The following ERGIC1 variants were observed in gnomAD, a reference collection of about 807,000 sequenced individuals.
The protein encoded by ERGIC1 is endoplasmic reticulum-Golgi intermediate compartment protein 1.
In ERGIC1, 19 loss-of-function variants were observed where a neutral mutation model predicts 38.3. The ratio of observed to expected loss-of-function variants is 0.50; its 90% CI spans 0.35 to 0.73. ERGIC1 has a LOEUF of 0.73. ERGIC1 is among the 30% of genes least tolerant of loss of function. The pLI is 0.01. For missense variants in ERGIC1, 294 were observed against 389.2 expected (o/e 0.76, Z 2.06); for synonymous variants, 124 against 157.6 (o/e 0.79, Z 1.60).
intron 7 of ERGIC1, among the ~76,000 whole-genome samples, chr5:172,929,015 A>G (rs1398644374): frequency 6.6e-6 from 1 of 152,182 alleles, no homozygotes; most frequent in Non-Finnish European, 1.5e-5. Flanking sequence ...GGCAGAATCT[A>G]AGGAGAAACT....
intron 1 of ERGIC1, among the ~76,000 whole-genome samples, chr5:172,843,813 C>T (rs921506292): frequency 2.0e-5 from 3 of 152,228 alleles, no homozygotes; most frequent in Admixed American, 1.3e-4. Flanking sequence ...AGCTGTGGGG[C>T]CCAGGACAAG....
Position 172,950,748 on chromosome 5 carries a change from A to G in ERGIC1, c.805A>G (p.Ile269Val), listed in dbSNP as rs752946541. The change falls in exon 10 of 10, where the codon ATC becomes GTC. Residue 269 changes from isoleucine (I) to valine (V), a missense_variant. Transcript: ENST00000393784. ...TGGCGGGACCTTCACCGTCGCCGGC[A>G]TCCTGGACTCATGCATCTTCACAGC... ...IIGGTFTVAGILDSCIFTASE... is the reference protein window; with the variant it reads ...IIGGTFTVAGVLDSCIFTASE... 1.2e-6 allele frequency: 2 copies of G among 1,613,286 alleles called. No homozygotes were observed. The highest frequency in any genetic ancestry group is 1.7e-6 in the Non-Finnish European group (2 of 1,179,444).
chr5:172,943,241 G>C (rs1474607095), intron 9 of ERGIC1, among the ~76,000 whole-genome samples: 1 of 152,126 alleles, frequency 6.6e-6, no homozygotes, highest in Admixed American at 6.5e-5. Context: ...AGGTGGGGTG[G>C]ATGGGTATTT....
At chr5:172,911,512 C>G (rs555802985) in intron 4 of ERGIC1, among the ~76,000 whole-genome samples, 27 of 152,202 alleles carry the variant, frequency 1.8e-4, no homozygotes, top group African/African-American at 5.8e-4. Flanking sequence ...GAACCCCCAA[C>G]CCCCTCACCC....
intron 1 of ERGIC1, chr5:172,867,396 T>C (rs568520663): frequency 2.0e-5 from 8 of 404,412 alleles, no homozygotes; most frequent in South Asian, 1.4e-4. Flanking sequence ...GAACCTGCTG[T>C]GAACTGCTGG....
chr5:172,950,586 T>C (rs1473664707), intron 9 of ERGIC1, 123 bp from the exon 10 acceptor site: 3 of 791,062 alleles, frequency 3.8e-6, no homozygotes, highest in Non-Finnish European at 4.0e-6. Context: ...GTGGGTATTA[T>C]GGGCTTAACG....
chr5:172,903,315 CTGGGCCCTGG>C (rs1036801181), intron 3 of ERGIC1, among the ~76,000 whole-genome samples: 3 of 152,184 alleles, frequency 2.0e-5, no homozygotes, highest in African/African-American at 7.2e-5. Context: ...CTGCAGGCAC[CTGGGCCCTGG>C]TGGGAGGGGA....
chr5:172,903,030 C>T (rs1035226751), intron 3 of ERGIC1, among the ~76,000 whole-genome samples: 1 of 152,046 alleles, frequency 6.6e-6, no homozygotes, highest in Non-Finnish European at 1.5e-5. Flanking sequence ...CACTGTCCAC[C>T]CACACCCCCA....
chr5:172,877,781 T>C (rs1452843700), intron 1 of ERGIC1, among the ~76,000 whole-genome samples: 2 of 152,300 alleles, frequency 1.3e-5, no homozygotes, highest in East Asian at 1.9e-4. Context: ...GGTGCTGTGG[T>C]ACATAGCCTT....
At chr5:172,893,903 A>ATGTG (rs1279828120) in intron 2 of ERGIC1, among the ~76,000 whole-genome samples, 21 of 12,874 alleles carry the variant, frequency 1.6e-3, no homozygotes, top group African/African-American at 2.4e-3. Flanking sequence ...ATATATATAT[A>ATGTG]TATGTGTGTG....
At chr5:172,942,030 G>A (rs1353859219) in intron 9 of ERGIC1, among the ~76,000 whole-genome samples, 1 of 152,006 alleles carries the variant, frequency 6.6e-6, no homozygotes, top group Non-Finnish European at 1.5e-5. Flanking sequence ...GTGAAACCCC[G>A]TCTCTACTAA....
intron 1 of ERGIC1, among the ~76,000 whole-genome samples, chr5:172,871,728 A>C (rs1356079775): frequency 6.6e-6 from 1 of 152,232 alleles, no homozygotes; most frequent in Non-Finnish European, 1.5e-5. Context: ...CTGGAATAGC[A>C]GTGGTCTTTG....
intron 1 of ERGIC1, among the ~76,000 whole-genome samples, chr5:172,863,211 A>G (rs757887954): frequency 1.1e-4 from 17 of 152,186 alleles, no homozygotes; most frequent in African/African-American, 3.9e-4. Flanking sequence ...TCGGCCTCCC[A>G]TAGTGCTGGG....
chr5:172,932,650 C>T (rs1018275472), intron 8 of ERGIC1, 114 bp downstream of exon 8: 3 of 1,086,928 alleles, frequency 2.8e-6, no homozygotes, highest in African/African-American at 3.1e-5. Flanking sequence ...TTCTGGAGGC[C>T]TTTCCTGGGG....
At chr5:172,948,116 A>T (rs1764162280) in intron 9 of ERGIC1, among the ~76,000 whole-genome samples, 1 of 152,004 alleles carries the variant, frequency 6.6e-6, no homozygotes. Context: ...TGCCCACTTA[A>T]AACACTTCAC....
chr5:172,861,428 C>T (rs547123900), intron 1 of ERGIC1, among the ~76,000 whole-genome samples: 2 of 152,324 alleles, frequency 1.3e-5, no homozygotes, highest in East Asian at 1.9e-4. Context: ...ATGGGAACCT[C>T]GGTTCCTCAG....
intron 7 of ERGIC1, among the ~76,000 whole-genome samples, chr5:172,929,786 T>C (rs1431706768): frequency 6.6e-6 from 1 of 152,150 alleles, no homozygotes; most frequent in African/African-American, 2.4e-5. Flanking sequence ...ACCTACTATA[T>C]GCTGGGCATT....
At chr5:172,935,392 C>T in intron 9 of ERGIC1, 82 bp downstream of exon 9, 1 of 1,587,370 alleles carries the variant, frequency 6.3e-7, no homozygotes, top group Non-Finnish European at 8.6e-7. Context: ...GCACCCCTCA[C>T]CTGTTCTCGC....
At chr5:172,893,905 ATGTGTGTGTGTGTGTGTGTGTGTG>A (rs1554110394) in intron 2 of ERGIC1, among the ~76,000 whole-genome samples, 1 of 15,516 alleles carries the variant, frequency 6.4e-5, no homozygotes, top group East Asian at 4.5e-3. Context: ...ATATATATAT[ATGTGTGTGTGTGTGTGTGTGTGTG>A]TGTGTGTATA....
Sources: allele counts gnomAD v4.1 joint callset (sites outside exome capture counted in the v4.1 genomes callset), GRCh38; gene constraint gnomAD v4.1.1; transcripts MANE v1.5; gene names NCBI Gene and HGNC (gene_info 2026-07-23, HGNC 2026-07-21).